Variants in EYA2 observed in about 807,000 individuals in gnomAD.
EYA2 encodes protein phosphatase EYA2.
A neutral mutation model predicts 69.2 loss-of-function variants in EYA2; 31 were observed. The ratio of observed to expected loss-of-function variants is 0.45; its 90% CI spans 0.34 to 0.60. The LOEUF (loss-of-function observed/expected upper bound fraction) is 0.60, where lower values mean the gene tolerates loss of function less well. EYA2 is among the 20% of genes least tolerant of loss of function. The pLI is 0.02. For missense variants in EYA2, 622 were observed against 701.2 expected, an observed-to-expected ratio of 0.89 and a Z score of 1.28; for synonymous variants, 257 against 279.4, an observed-to-expected ratio of 0.92 and a Z score of 0.80.
intron 10 of EYA2, among the ~76,000 whole-genome samples, chr20:47,156,419 G>A (rs1002264505): frequency 2.0e-5 from 3 of 151,548 alleles, no homozygotes; most frequent in Admixed American, 6.6e-5. Context: ...CTAGCCTGAC[G>A]CAGGAATGGC....
At chr20:47,112,273 T>C (rs907230599) in intron 9 of EYA2, among the ~76,000 whole-genome samples, 3 of 151,656 alleles carry the variant, frequency 2.0e-5, no homozygotes, top group Admixed American at 2.0e-4. Flanking sequence ...AAGTGAAAAA[T>C]CAAAAAGCCA....
At chr20:47,136,774 G>A (rs2033486875) in intron 9 of EYA2, among the ~76,000 whole-genome samples, 1 of 151,150 alleles carries the variant, frequency 6.6e-6, no homozygotes, top group Non-Finnish European at 1.5e-5. Flanking sequence ...CATCAAGAAT[G>A]CATAATAGTT....
intron 5 of EYA2, among the ~76,000 whole-genome samples, chr20:47,070,803 TGTA>T (rs1196395152): frequency 1.3e-5 from 2 of 152,226 alleles, no homozygotes; most frequent in African/African-American, 4.8e-5. Context: ...AATTTTATGT[TGTA>T]TATATACCAC....
chr20:47,098,033 A>T (rs2032303762), intron 9 of EYA2, among the ~76,000 whole-genome samples: 1 of 152,234 alleles, frequency 6.6e-6, no homozygotes, highest in African/African-American at 2.4e-5. Flanking sequence ...ATGATTTGAC[A>T]TCACTTCATG....
intron 2 of EYA2, 25 bp downstream of exon 2, chr20:46,990,144 G>A: frequency 7.5e-7 from 1 of 1,336,890 alleles, no homozygotes; most frequent in Non-Finnish European, 1.1e-6. Flanking sequence ...GTGAGTTTGG[G>A]TCAACAGGTG....
intron 1 of EYA2, among the ~76,000 whole-genome samples, chr20:46,943,364 A>G (rs960525308): frequency 2.6e-5 from 4 of 152,220 alleles, no homozygotes; most frequent in Non-Finnish European, 4.4e-5. Context: ...AGTAAAAGGA[A>G]GTGCTTGTGT....
At chr20:47,001,352 G>A in intron 2 of EYA2, 76 bp from the exon 3 acceptor site, 1 of 1,284,898 alleles carries the variant, frequency 7.8e-7, no homozygotes, top group Non-Finnish European at 1.1e-6. Flanking sequence ...TGCTTAAGTG[G>A]TGTCTGAAGT....
intron 1 of EYA2, among the ~76,000 whole-genome samples, chr20:46,930,529 A>T (rs959524045): frequency 6.6e-6 from 1 of 151,946 alleles, no homozygotes; most frequent in Non-Finnish European, 1.5e-5. Context: ...GCTTCAGGAG[A>T]GGAAGAGGAT....
intron 5 of EYA2, among the ~76,000 whole-genome samples, chr20:47,052,914 C>G (rs1215376453): frequency 1.3e-5 from 2 of 152,192 alleles, no homozygotes; most frequent in Non-Finnish European, 2.9e-5. Context: ...TATCCACATT[C>G]ACAGTATAAG....
intron 1 of EYA2, among the ~76,000 whole-genome samples, chr20:46,947,875 T>C (rs1417242773): frequency 6.6e-6 from 1 of 152,160 alleles, no homozygotes; most frequent in African/African-American, 2.4e-5. Context: ...CCAGCACTTT[T>C]AGAGGCCAAG....
chr20:47,080,541 T>G (rs1327597655), intron 7 of EYA2, among the ~76,000 whole-genome samples: 3 of 150,898 alleles, frequency 2.0e-5, no homozygotes, highest in Non-Finnish European at 4.4e-5. Flanking sequence ...GATACAAAAT[T>G]TCAGTTAATA....
chr20:47,170,504 G>A (rs545856806), intron 11 of EYA2, among the ~76,000 whole-genome samples: 39 of 152,056 alleles, frequency 2.6e-4, no homozygotes, highest in Admixed American at 1.7e-3. Context: ...AAAATTAGCC[G>A]GGCGTGGTGG....
chr20:47,146,410 C>T (rs2033700016), intron 10 of EYA2, among the ~76,000 whole-genome samples: 1 of 152,202 alleles, frequency 6.6e-6, no homozygotes, highest in Non-Finnish European at 1.5e-5. Context: ...CCCCACTCTG[C>T]TGTTTCTGTC....
chr20:46,900,030 GTGT>G (rs1413254822), intron 1 of EYA2, among the ~76,000 whole-genome samples: 5 of 152,160 alleles, frequency 3.3e-5, no homozygotes, highest in Non-Finnish European at 5.9e-5. Flanking sequence ...GGTATCAATA[GTGT>G]TGTGTCAGTA....
At chr20:47,134,549 T>C (rs1486633872) in intron 9 of EYA2, among the ~76,000 whole-genome samples, 1 of 150,364 alleles carries the variant, frequency 6.7e-6, no homozygotes, top group Non-Finnish European at 1.5e-5. Context: ...CAGTAAGAAA[T>C]ACATTTTACA....
intron 1 of EYA2, among the ~76,000 whole-genome samples, chr20:46,957,801 GT>G (rs1979226689): frequency 6.6e-6 from 1 of 152,144 alleles, no homozygotes; most frequent in African/African-American, 2.4e-5. Context: ...AATTTCTGTT[GT>G]AAGCCACCAA....
intron 9 of EYA2, among the ~76,000 whole-genome samples, chr20:47,110,686 G>C (rs2032725775): frequency 6.6e-6 from 1 of 152,244 alleles, no homozygotes; most frequent in Non-Finnish European, 1.5e-5. Context: ...ACCCAGCACA[G>C]TACCTGGCAC....
At chr20:47,038,114 A>T (rs1351823637) in intron 5 of EYA2, among the ~76,000 whole-genome samples, 1 of 152,148 alleles carries the variant, frequency 6.6e-6, no homozygotes, top group African/African-American at 2.4e-5. Context: ...AGTGTTTCTG[A>T]TGGTGATGGA....
intron 5 of EYA2, among the ~76,000 whole-genome samples, chr20:47,063,960 C>G (rs1163539020): frequency 6.6e-6 from 1 of 152,142 alleles, no homozygotes; most frequent in East Asian, 1.9e-4. Flanking sequence ...ATAGTCAAGG[C>G]CCTCCACCAG....
Sources: gnomAD v4.1 joint callset for allele counts (sites outside exome capture counted in the v4.1 genomes callset) on GRCh38, gnomAD v4.1.1 for gene constraint, MANE v1.5 for transcripts, NCBI Gene and HGNC (gene_info 2026-07-23, HGNC 2026-07-21) for gene names.